Variants in CHRM3 observed in about 807,000 individuals in gnomAD.
CHRM3 encodes muscarinic acetylcholine receptor M3.
In CHRM3, 11 loss-of-function variants were observed where a neutral mutation model predicts 41.8. The observed-to-expected ratio is 0.26, with a 90% CI of 0.17 to 0.44. CHRM3 has a LOEUF of 0.44. Ranked by LOEUF, CHRM3 falls within the 20% of genes least tolerant of loss-of-function variation. CHRM3 has a pLI of 1.00. For synonymous variants in CHRM3, 297 were observed against 301.4 expected (o/e 0.99, Z 0.15); for missense variants, 571 against 745.4 (o/e 0.77, Z 2.72).
intron 1 of CHRM3, among the ~76,000 whole-genome samples, chr1:239,440,966 G>C (rs906429780): frequency 2.0e-5 from 3 of 152,108 alleles, no homozygotes; most frequent in African/African-American, 7.2e-5. Context: ...ATTACTCTGG[G>C]TGGTGTATCA....
chr1:239,541,988 C>T (rs1016185108), intron 2 of CHRM3, among the ~76,000 whole-genome samples: 1 of 152,058 alleles, frequency 6.6e-6, no homozygotes, highest in Non-Finnish European at 1.5e-5. Context: ...AACAGGAATC[C>T]GAAGAGCCTA....
At chr1:239,543,127 C>T (rs1658940076) in intron 2 of CHRM3, among the ~76,000 whole-genome samples, 1 of 152,154 alleles carries the variant, frequency 6.6e-6, no homozygotes, top group Admixed American at 6.5e-5. Context: ...TGAAGAATGG[C>T]ACCTTTAGGG....
chr1:239,416,729 T>C (rs1231830164), intron 1 of CHRM3, among the ~76,000 whole-genome samples: 3 of 152,220 alleles, frequency 2.0e-5, no homozygotes, highest in Non-Finnish European at 4.4e-5. Flanking sequence ...AGGGTTTATA[T>C]ATGTTTCTTC....
At chr1:239,446,463 A>C (rs1193484037) in intron 1 of CHRM3, among the ~76,000 whole-genome samples, 2 of 152,234 alleles carry the variant, frequency 1.3e-5, no homozygotes, top group Non-Finnish European at 2.9e-5. Flanking sequence ...ATTAGTGATC[A>C]ATGTATGTGA....
At chr1:239,591,873 C>G (rs1664195574) in intron 3 of CHRM3, among the ~76,000 whole-genome samples, 1 of 152,126 alleles carries the variant, frequency 6.6e-6, no homozygotes, top group Non-Finnish European at 1.5e-5. Flanking sequence ...GGTGTCATTT[C>G]TATGTCCTCA....
chr1:239,585,175 G>C (rs1465003658), intron 3 of CHRM3, among the ~76,000 whole-genome samples: 2 of 151,826 alleles, frequency 1.3e-5, no homozygotes, highest in Non-Finnish European at 2.9e-5. Flanking sequence ...ATACAGTTGA[G>C]GAGCTTTTGA....
chr1:239,872,549 A>G (rs1218762755), intron 6 of CHRM3, among the ~76,000 whole-genome samples: 1 of 152,206 alleles, frequency 6.6e-6, no homozygotes, highest in Non-Finnish European at 1.5e-5. Flanking sequence ...TATCCAGAAC[A>G]TCTGAGAAAT....
chr1:239,604,197 T>C (rs1367862113), intron 3 of CHRM3, among the ~76,000 whole-genome samples: 2 of 152,130 alleles, frequency 1.3e-5, no homozygotes, highest in African/African-American at 4.8e-5. Context: ...TTAAAGGTGG[T>C]GATTACTTAC....
chr1:239,869,421 G>A (rs1676387861), intron 6 of CHRM3, among the ~76,000 whole-genome samples: 1 of 152,196 alleles, frequency 6.6e-6, no homozygotes, highest in Admixed American at 6.5e-5. Context: ...AGCCTTGTAA[G>A]CTTGGAACAT....
intron 2 of CHRM3, among the ~76,000 whole-genome samples, chr1:239,531,960 A>G (rs1376586653): frequency 7.1e-6 from 1 of 141,176 alleles, no homozygotes; most frequent in East Asian, 2.2e-4. Context: ...TGCCTGGCCT[A>G]GAATGGATAT....
At chr1:239,821,242 C>T (rs1672019162) in intron 5 of CHRM3, among the ~76,000 whole-genome samples, 1 of 152,212 alleles carries the variant, frequency 6.6e-6, no homozygotes, top group Non-Finnish European at 1.5e-5. Context: ...TTCGATGAAG[C>T]TATTGAGTCT....
At chr1:239,648,682 A>T (rs1671961183) in intron 4 of CHRM3, among the ~76,000 whole-genome samples, 1 of 152,176 alleles carries the variant, frequency 6.6e-6, no homozygotes, top group South Asian at 2.1e-4. Context: ...AAGCCAATTG[A>T]TAGATTGTTC....
intron 5 of CHRM3, among the ~76,000 whole-genome samples, chr1:239,701,444 C>G (rs1572029687): frequency 6.6e-6 from 1 of 152,198 alleles, no homozygotes; most frequent in East Asian, 1.9e-4. Context: ...TCCTCATTCA[C>G]CAAGAATTGT....
At chr1:239,780,013 A>G (rs754760617) in intron 5 of CHRM3, among the ~76,000 whole-genome samples, 9 of 152,094 alleles carry the variant, frequency 5.9e-5, no homozygotes, top group Non-Finnish European at 1.2e-4. Flanking sequence ...ACTGCAGTTT[A>G]TTTATTCATT....
chr1:239,608,717 A>G (rs957307113), intron 3 of CHRM3, among the ~76,000 whole-genome samples: 1 of 152,204 alleles, frequency 6.6e-6, no homozygotes, highest in Non-Finnish European at 1.5e-5. Flanking sequence ...GGGTTCCATT[A>G]CTTAACTCTG....
intron 1 of CHRM3, among the ~76,000 whole-genome samples, chr1:239,407,294 G>T (rs1660667313): frequency 6.6e-6 from 1 of 151,880 alleles, no homozygotes; most frequent in Non-Finnish European, 1.5e-5. Flanking sequence ...TGAATCTGCT[G>T]TCCTTTTCTT....
intron 5 of CHRM3, among the ~76,000 whole-genome samples, chr1:239,772,481 G>A (rs1313958020): frequency 6.6e-6 from 1 of 152,102 alleles, no homozygotes; most frequent in African/African-American, 2.4e-5. Context: ...ATTTTTACAT[G>A]ATTGTGTATT....
At chr1:239,531,924 G>A (rs1258083052) in intron 2 of CHRM3, among the ~76,000 whole-genome samples, 1 of 150,678 alleles carries the variant, frequency 6.6e-6, no homozygotes, top group African/African-American at 2.4e-5. Flanking sequence ...CTCCCAATGT[G>A]CTGGGATTAC....
chr1:239,837,174 C>A (rs140153577), intron 6 of CHRM3, among the ~76,000 whole-genome samples: 1 of 152,112 alleles, frequency 6.6e-6, no homozygotes. Flanking sequence ...TTGTTTCTCA[C>A]GATGTGTGAG....
Sources: gnomAD v4.1 joint callset for allele counts (sites outside exome capture counted in the v4.1 genomes callset) on GRCh38, gnomAD v4.1.1 for gene constraint, MANE v1.5 for transcripts, NCBI Gene and HGNC (gene_info 2026-07-23, HGNC 2026-07-21) for gene names.